IGFL2: variants seen among roughly 807,000 people sequenced by gnomAD.
IGFL2 encodes insulin growth factor-like family member 2.
A neutral mutation model predicts 13.9 loss-of-function variants in IGFL2; 7 were observed. The observed-to-expected ratio is 0.51, with a 90% CI of 0.29 to 0.95. The LOEUF (loss-of-function observed/expected upper bound fraction) is 0.95. Ranked by LOEUF, IGFL2 falls within the 40% of genes least tolerant of loss-of-function variation. The pLI is 0.08. For missense variants in IGFL2, 138 were observed against 147.8 expected (o/e 0.93, Z 0.34); for synonymous variants, 55 against 55.8 (o/e 0.99, Z 0.07).
the IGFL2 span, among the ~76,000 whole-genome samples, chr19:46,178,559 G>T: frequency 1.3e-5 from 2 of 152,182 alleles, no homozygotes; most frequent in Middle Eastern, 6.8e-3. Flanking sequence ...ACACCTTTTA[G>T]GTCTAAAAAG....
chr19:46,194,542 C>G, the IGFL2 span, among the ~76,000 whole-genome samples: 21 of 152,066 alleles, frequency 1.4e-4, no homozygotes, highest in African/African-American at 4.6e-4. Flanking sequence ...CAATCAAGGG[C>G]CGGACACGGT....
chr19:46,160,949 G>A, intron 3 of IGFL2, 68 bp downstream of exon 3: 7 of 1,582,098 alleles, frequency 4.4e-6, no homozygotes, highest in Non-Finnish European at 6.1e-6. Context: ...GAGTCTAGAT[G>A]TCTTCATCAC....
At chr19:46,169,552 G>A in the IGFL2 span, among the ~76,000 whole-genome samples, 2 of 152,272 alleles carry the variant, frequency 1.3e-5, no homozygotes, top group Admixed American at 1.3e-4. Context: ...AGGAGTAATT[G>A]TATGAGAATA....
At chr19:46,124,267 C>G in the IGFL2 span, 2 of 1,610,600 alleles carry the variant, frequency 1.2e-6, no homozygotes, top group African/African-American at 2.7e-5. Flanking sequence ...CCTGTCCTTA[C>G]CTGTAGTTCC....
chr19:46,081,010 G>A, the IGFL2 span, among the ~76,000 whole-genome samples: 1 of 152,164 alleles, frequency 6.6e-6, no homozygotes, highest in African/African-American at 2.4e-5. Flanking sequence ...GGGATCATCA[G>A]CCCACCTTTT....
chr19:46,084,389 G>T, the IGFL2 span, among the ~76,000 whole-genome samples: 1 of 152,124 alleles, frequency 6.6e-6, no homozygotes, highest in Admixed American at 6.5e-5. Flanking sequence ...TGAAAGTGGG[G>T]TGTTGAAGTC....
At chr19:46,181,915 A>G in the IGFL2 span, among the ~76,000 whole-genome samples, 6 of 152,142 alleles carry the variant, frequency 3.9e-5, no homozygotes, top group East Asian at 1.2e-3. Flanking sequence ...CTCCCTCCAG[A>G]TCTGGTCTCC....
At chr19:46,101,392 C>G in the IGFL2 span, among the ~76,000 whole-genome samples, 2 of 152,212 alleles carry the variant, frequency 1.3e-5, no homozygotes, top group Non-Finnish European at 2.9e-5. Flanking sequence ...TCAGGGAGAT[C>G]AGAATCTTTT....
At chr19:46,135,142 CATA>C in the IGFL2 span, among the ~76,000 whole-genome samples, 2 of 152,176 alleles carry the variant, frequency 1.3e-5, no homozygotes, top group African/African-American at 2.4e-5. Flanking sequence ...CACAGATTCT[CATA>C]ATGTTAACAT....
chr19:46,169,566 G>A, the IGFL2 span, among the ~76,000 whole-genome samples: 1 of 152,166 alleles, frequency 6.6e-6, no homozygotes, highest in Non-Finnish European at 1.5e-5. Context: ...GAGAATATGG[G>A]TGAGCAAAGA....
the IGFL2 span, among the ~76,000 whole-genome samples, chr19:46,177,165 G>A: frequency 1.3e-5 from 2 of 152,160 alleles, no homozygotes; most frequent in African/African-American, 4.8e-5. Flanking sequence ...GGGAGGCTGG[G>A]GTGGCAGGAT....
the IGFL2 span, among the ~76,000 whole-genome samples, chr19:46,169,152 G>A: frequency 6.6e-6 from 1 of 152,072 alleles, no homozygotes; most frequent in Non-Finnish European, 1.5e-5. Context: ...GCTGCAGTGA[G>A]CTATGATTGC....
the IGFL2 span, among the ~76,000 whole-genome samples, chr19:46,168,295 G>A: frequency 6.6e-6 from 1 of 152,136 alleles, no homozygotes; most frequent in East Asian, 1.9e-4. Context: ...AATAACAAGG[G>A]TGGCATCAGT....
downstream of IGFL2, chr19:46,163,987 C>A (rs1239195692): frequency 1.3e-5 from 2 of 152,332 alleles, no homozygotes; most frequent in African/African-American, 4.8e-5. Context: ...GCTGAAGACC[C>A]CATTTGGGAG....
chr19:46,136,773 G>A, the IGFL2 span: 1 of 636,296 alleles, frequency 1.6e-6, no homozygotes, highest in South Asian at 1.4e-5. Context: ...CTGAAGCTCT[G>A]TCTCTCCAAC....
At chr19:46,153,779 G>A (rs1426759131) in intron 1 of IGFL2, among the ~76,000 whole-genome samples, 1 of 149,112 alleles carries the variant, frequency 6.7e-6, no homozygotes, top group East Asian at 2.0e-4. Context: ...TTCTTTTTTT[G>A]GGGTAGCTTT....
chr19:46,130,042 T>A, the IGFL2 span, among the ~76,000 whole-genome samples: 2 of 152,132 alleles, frequency 1.3e-5, no homozygotes, highest in South Asian at 4.2e-4. Context: ...ATCTGGGTGC[T>A]CTTGTGTTGG....
the IGFL2 span, among the ~76,000 whole-genome samples, chr19:46,117,624 A>C: frequency 6.6e-6 from 1 of 152,070 alleles, no homozygotes; most frequent in Non-Finnish European, 1.5e-5. Flanking sequence ...GACTACATGC[A>C]TGTGCCATCA....
the IGFL2 span, among the ~76,000 whole-genome samples, chr19:46,079,301 A>G: frequency 1.3e-5 from 2 of 152,240 alleles, no homozygotes; most frequent in African/African-American, 2.4e-5. Context: ...ATCCTCTGCA[A>G]TGGTTTGTTT....
Sources: gnomAD v4.1 joint callset for allele counts (sites outside exome capture counted in the v4.1 genomes callset) on GRCh38, gnomAD v4.1.1 for gene constraint, MANE v1.5 for transcripts, NCBI Gene and HGNC (gene_info 2026-07-23, HGNC 2026-07-21) for gene names.